Variants in KCNH5 observed in about 807,000 individuals in gnomAD.
KCNH5 encodes the protein potassium voltage-gated channel subfamily H member 5, also known as voltage-gated delayed rectifier potassium channel KCNH5.
KCNH5 carries 46 observed loss-of-function variants against 96.1 expected under a neutral mutation model. The observed-to-expected ratio is 0.48, with a 90% CI of 0.38 to 0.61. The LOEUF (loss-of-function observed/expected upper bound fraction) is 0.61. Ranked by LOEUF, KCNH5 falls within the 20% of genes least tolerant of loss-of-function variation. The pLI, the probability that KCNH5 is intolerant of heterozygous loss-of-function variation, is 0.00. For synonymous variants in KCNH5, 439 were observed against 449.8 expected, an observed-to-expected ratio of 0.98 and a Z score of 0.30; for missense variants, 907 against 1,225.8, an observed-to-expected ratio of 0.74 and a Z score of 3.88.
chr14:62,874,742 T>C lies in KCNH5; in HGVS notation c.1370-24890A>G, dbSNP rs537895275. 6.0e-4 allele frequency among the ~76,000 whole-genome samples: 80 copies of C among 132,820 alleles called. 1 individual carries two copies. The highest frequency in any genetic ancestry group is 2.1e-3 in the African/African-American group (72 of 34,482). 87.1% of individuals were successfully genotyped at this position (132,820 alleles called of 152,430 possible). On this transcript the variant is annotated intron_variant, in intron 7 of 10. Coordinates refer to ENST00000322893, the MANE Select transcript of KCNH5 (RefSeq NM_139318.5). ...AACCCACAGCCAATATCATACTGAA[T>C]GGGCAAAAACTGGAAGCATTCCCTT... is the stretch of plus-strand genomic sequence containing the variant.
Position 62,708,453 on chromosome 14 carries a change from G to A in KCNH5, c.2022C>T (p.Ile674=), listed in dbSNP as rs1295568929. 1.9e-6 allele frequency: 3 copies of A among 1,584,968 alleles called. No individual in the cohort carries two copies. The Admixed American group carries it at 5.1e-5, about 27-fold the overall frequency. The change falls in exon 11 of 11, where the codon ATC becomes ATT. Residue 674 remains isoleucine, a splice_region_variant and synonymous_variant. Transcript: ENST00000322893. ...TCACATCACTGATCTTACGAAAGAT[G>A]ATCTGTGGAACGGGAGAGATAGTCA... ...LTLTCNLRKR[I]IFRKISDVKK...
At chr14:62,904,633 G>GA (rs1027852335) in intron 7 of KCNH5, among the ~76,000 whole-genome samples, 3 of 152,098 alleles carry the variant, frequency 2.0e-5, no homozygotes, top group East Asian at 1.9e-4. Context: ...ATCAAAGTTA[G>GA]AAAAAACATT....
intron 7 of KCNH5, among the ~76,000 whole-genome samples, chr14:62,931,354 T>A (rs947596082): frequency 3.3e-5 from 5 of 152,032 alleles, no homozygotes; most frequent in African/African-American, 9.7e-5. Flanking sequence ...CAGAGGAGCA[T>A]GAACCAGCAG....
intron 8 of KCNH5, among the ~76,000 whole-genome samples, chr14:62,809,352 G>A (rs190052771): frequency 4.8e-4 from 73 of 152,238 alleles, no homozygotes; most frequent in African/African-American, 1.5e-3. Context: ...GACTGGAATG[G>A]TTTGCTTTCC....
chr14:62,989,871 G>A (rs187499055), intron 4 of KCNH5, among the ~76,000 whole-genome samples: 231 of 152,094 alleles, frequency 1.5e-3, no homozygotes, highest in Non-Finnish European at 2.5e-3. Context: ...AAAGTGGTGA[G>A]GGCGTCTTTG....
chr14:62,791,340 CAGTA>C (rs1367150603), intron 9 of KCNH5, among the ~76,000 whole-genome samples: 5 of 151,324 alleles, frequency 3.3e-5, no homozygotes, highest in African/African-American at 1.2e-4. Flanking sequence ...AAGTAACTTA[CAGTA>C]AGTAAGTCAC....
intron 10 of KCNH5, among the ~76,000 whole-genome samples, chr14:62,742,009 C>T (rs1191474550): frequency 6.6e-6 from 1 of 152,116 alleles, no homozygotes; most frequent in African/African-American, 2.4e-5. Context: ...TCCACTTAGC[C>T]TCTGTGAATC....
At chr14:62,935,060 C>A (rs893358461) in intron 7 of KCNH5, among the ~76,000 whole-genome samples, 6 of 152,028 alleles carry the variant, frequency 3.9e-5, no homozygotes, top group African/African-American at 1.4e-4. Context: ...GTCAAGCGTA[C>A]TATGAAAGGT....
chr14:63,010,052 G>C (rs78108507), intron 2 of KCNH5, among the ~76,000 whole-genome samples: 2,147 of 152,066 alleles, frequency 0.014, 43 homozygotes, highest in African/African-American at 0.039. Flanking sequence ...GCTCCTCCTT[G>C]GTAATTATAA....
intron 9 of KCNH5, among the ~76,000 whole-genome samples, chr14:62,795,674 C>T (rs187911346): frequency 7.2e-5 from 11 of 152,160 alleles, no homozygotes; most frequent in Non-Finnish European, 1.5e-4. Flanking sequence ...CTCACAATAG[C>T]CTTTACTGAG....
intron 1 of KCNH5, among the ~76,000 whole-genome samples, chr14:63,032,240 A>G (rs1594684722): frequency 6.6e-6 from 1 of 152,258 alleles, no homozygotes; most frequent in Non-Finnish European, 1.5e-5. Context: ...CAGAAACCAC[A>G]GCTCTCGCTC....
intron 7 of KCNH5, among the ~76,000 whole-genome samples, chr14:62,863,886 T>C (rs1239396021): frequency 6.6e-6 from 1 of 152,148 alleles, no homozygotes; most frequent in Non-Finnish European, 1.5e-5. Context: ...CTTTTTTATA[T>C]GTATCTGAAT....
chr14:62,918,115 C>A (rs1043685993), intron 7 of KCNH5, among the ~76,000 whole-genome samples: 4 of 152,086 alleles, frequency 2.6e-5, no homozygotes, highest in African/African-American at 9.7e-5. Flanking sequence ...TTAAGGTATT[C>A]TCTTTGCCTC....
chr14:62,733,689 C>T lies in KCNH5; in HGVS notation c.2020-25234G>A, dbSNP rs188741975. On this transcript the variant is annotated intron_variant, in intron 10 of 10. Coordinates refer to ENST00000322893, the MANE Select transcript of KCNH5 (RefSeq NM_139318.5). ...TTCCCACATAGACAAATCCAGTGGACACTCTGTGGCCCACAGTCCATAACT... is the reference window on the plus strand; with the variant it reads ...TTCCCACATAGACAAATCCAGTGGATACTCTGTGGCCCACAGTCCATAACT... 1.2e-3 allele frequency among the ~76,000 whole-genome samples: 178 copies of T among 152,264 alleles called. 2 individuals carry two copies. Among genetic ancestry groups the T allele is most frequent in the Non-Finnish European group, 7.5e-4 (51 of 68,010 alleles).
chr14:62,824,681 G>C (rs771571573), intron 8 of KCNH5, among the ~76,000 whole-genome samples: 12 of 151,952 alleles, frequency 7.9e-5, no homozygotes, highest in Non-Finnish European at 1.8e-4. Flanking sequence ...GGTATATTGT[G>C]TGATGCTGAA....
chr14:63,003,930 A>G (rs1891079160), intron 3 of KCNH5, among the ~76,000 whole-genome samples: 1 of 151,918 alleles, frequency 6.6e-6, no homozygotes, highest in Non-Finnish European at 1.5e-5. Flanking sequence ...AGAAAGAGCT[A>G]TCTTAAGCTC....
intron 7 of KCNH5, among the ~76,000 whole-genome samples, chr14:62,926,431 TGCACAC>T (rs1298812807): frequency 6.6e-6 from 1 of 151,876 alleles, no homozygotes; most frequent in Non-Finnish European, 1.5e-5. Flanking sequence ...CACACACACA[TGCACAC>T]GCATACATAA....
intron 10 of KCNH5, among the ~76,000 whole-genome samples, chr14:62,752,203 C>T (rs994022420): frequency 5.3e-5 from 8 of 152,096 alleles, no homozygotes; most frequent in Admixed American, 4.6e-4. Flanking sequence ...GAGCCAATAC[C>T]TCATCTGCAT....
intron 1 of KCNH5, among the ~76,000 whole-genome samples, chr14:63,034,768 C>T (rs1301715014): frequency 6.6e-6 from 1 of 152,116 alleles, no homozygotes; most frequent in Non-Finnish European, 1.5e-5. Flanking sequence ...TACAGTGGTT[C>T]AAAATGCATG....
Sources: allele counts gnomAD v4.1 joint callset (sites outside exome capture counted in the v4.1 genomes callset), GRCh38; gene constraint gnomAD v4.1.1; transcripts MANE v1.5; gene names NCBI Gene and HGNC (gene_info 2026-07-23, HGNC 2026-07-21).